NRG3: variants seen among roughly 807,000 people sequenced by gnomAD.
NRG3 encodes the protein neuregulin 3, also known as pro-neuregulin-3, membrane-bound isoform.
A neutral mutation model predicts 66.9 loss-of-function variants in NRG3; 31 were observed. The observed-to-expected ratio is 0.46, with a 90% CI of 0.35 to 0.63. NRG3 has a LOEUF of 0.63. Ranked by LOEUF, NRG3 falls within the 20% of genes least tolerant of loss-of-function variation. The pLI is 0.00. For synonymous variants in NRG3, 393 were observed against 359.4 expected (o/e 1.09, Z -1.06); for missense variants, 910 against 878.9 (o/e 1.04, Z -0.45).
intron 1 of NRG3, among the ~76,000 whole-genome samples, chr10:82,096,420 G>A (rs1235120992): frequency 3.3e-5 from 5 of 152,034 alleles, no homozygotes; most frequent in African/African-American, 1.2e-4. Flanking sequence ...AGGTTGCAGT[G>A]AGCCGAGATT....
chr10:82,156,674 C>T (rs184512874), intron 1 of NRG3, among the ~76,000 whole-genome samples: 2 of 151,738 alleles, frequency 1.3e-5, no homozygotes, highest in East Asian at 3.9e-4. Context: ...CAGATTTTAG[C>T]TCCAATGGTG....
intron 2 of NRG3, among the ~76,000 whole-genome samples, chr10:82,406,752 G>C (rs2087549738): frequency 6.6e-6 from 1 of 152,180 alleles, no homozygotes; most frequent in East Asian, 1.9e-4. Context: ...CATAAAAATT[G>C]TCTAATCCCA....
chr10:81,958,217 G>A (rs532060009), intron 1 of NRG3, among the ~76,000 whole-genome samples: 2 of 152,270 alleles, frequency 1.3e-5, no homozygotes, highest in East Asian at 1.9e-4. Context: ...ATGTGGTATT[G>A]TGAATTCACA....
rs557747694 is a variant in NRG3, at chr10:82,641,591, C to T, written c.954-96986C>T. On this transcript the variant is annotated intron_variant, in intron 2 of 8. Transcript: ENST00000372141. ...AGAAAAGTAGGGCCCATCAAGAGTA[C>T]TCATGATCCAACCTGGAGCCCAGGC... Among the ~76,000 whole-genome samples the T allele has an allele frequency of 3.3e-5, 5 of 152,186 alleles. No homozygotes were observed. The South Asian group carries it at 6.2e-4, about 19-fold the overall frequency.
chr10:82,846,679 AATAC>A (rs1464635655), intron 3 of NRG3, among the ~76,000 whole-genome samples: 4 of 152,214 alleles, frequency 2.6e-5, no homozygotes, highest in Middle Eastern at 3.2e-3. Flanking sequence ...TAATAAAACA[AATAC>A]ATAATTGTAA....
chr10:82,120,448 C>G (rs1272210922), intron 1 of NRG3, among the ~76,000 whole-genome samples: 1 of 152,050 alleles, frequency 6.6e-6, no homozygotes, highest in African/African-American at 2.4e-5. Flanking sequence ...TCAGAGATAG[C>G]TGACTAATGA....
chr10:81,878,968 A>G (rs925281204), intron 1 of NRG3, among the ~76,000 whole-genome samples: 11 of 152,200 alleles, frequency 7.2e-5, no homozygotes, highest in Non-Finnish European at 1.5e-4. Context: ...GATTTTTTCA[A>G]GCAAAAGCTG....
At chr10:82,863,552 T>C (rs754185093) in intron 3 of NRG3, among the ~76,000 whole-genome samples, 1 of 152,192 alleles carries the variant, frequency 6.6e-6, no homozygotes, top group Non-Finnish European at 1.5e-5. Context: ...ATCGCCATCC[T>C]AACTGGCGTG....
At chr10:82,277,066 C>T (rs2078888495) in intron 1 of NRG3, among the ~76,000 whole-genome samples, 1 of 151,888 alleles carries the variant, frequency 6.6e-6, no homozygotes, top group Admixed American at 6.6e-5. Context: ...ACTTCAGATG[C>T]TCCATAGCAG....
chr10:82,315,894 A>G (rs955144543), intron 1 of NRG3, among the ~76,000 whole-genome samples: 1 of 152,106 alleles, frequency 6.6e-6, no homozygotes, highest in African/African-American at 2.4e-5. Context: ...TGAACTTCTG[A>G]CCTTAGCCTC....
At chr10:81,884,447 T>A (rs1056236467) in intron 1 of NRG3, among the ~76,000 whole-genome samples, 1 of 152,226 alleles carries the variant, frequency 6.6e-6, no homozygotes, top group Non-Finnish European at 1.5e-5. Flanking sequence ...TTTGTTGATA[T>A]GTAATTGATA....
intron 2 of NRG3, among the ~76,000 whole-genome samples, chr10:82,632,415 A>G (rs1181252998): frequency 6.6e-6 from 1 of 152,124 alleles, no homozygotes; most frequent in East Asian, 1.9e-4. Context: ...CTTTACCTGG[A>G]GTGCTTCTTT....
chr10:82,621,167 G>A lies in NRG3; in HGVS notation c.954-117410G>A, dbSNP rs184060825. Among the ~76,000 whole-genome samples, 661 of 152,064 alleles carry A rather than the reference G, an allele frequency of 4.3e-3. 7 individuals are homozygous for A. The highest frequency in any genetic ancestry group is 0.015 in the African/African-American group (638 of 41,410). On this transcript the variant is annotated intron_variant, in intron 2 of 8. Transcript: ENST00000372141. Reference sequence around the variant, plus strand: ...AAGAGTTGGAGTCTTGAAGGTTTGCGGAACTTGAAGTATTGTCTTTTCAAG... The same window carrying A: ...AAGAGTTGGAGTCTTGAAGGTTTGCAGAACTTGAAGTATTGTCTTTTCAAG...
intron 3 of NRG3, among the ~76,000 whole-genome samples, chr10:82,786,116 C>CTCCT (rs1198356387): frequency 1.3e-5 from 2 of 152,150 alleles, no homozygotes; most frequent in Non-Finnish European, 2.9e-5. Context: ...ACTACATAAA[C>CTCCT]TCCTTACTCT....
chr10:82,560,072 C>A (rs1319311974), intron 2 of NRG3, among the ~76,000 whole-genome samples: 1 of 151,454 alleles, frequency 6.6e-6, no homozygotes, highest in East Asian at 1.9e-4. Flanking sequence ...TTAAGTTTAT[C>A]TTCAAGTATT....
intron 2 of NRG3, among the ~76,000 whole-genome samples, chr10:82,635,548 C>T (rs1221842824): frequency 4.6e-5 from 7 of 152,046 alleles, no homozygotes; most frequent in Admixed American, 3.3e-4. Context: ...GAAAACGCCC[C>T]TTCTTATCTG....
rs548792266 is a variant in NRG3, at chr10:82,033,033, G to T, written c.823+156870G>T. On this transcript the variant is annotated intron_variant, in intron 1 of 8. Transcript: ENST00000372141. ...AACTCATTAATGTAGGAACCAATAAGATGTTGTAAGTTCAAAGGAGAATTC... is the reference window on the plus strand; with the variant it reads ...AACTCATTAATGTAGGAACCAATAATATGTTGTAAGTTCAAAGGAGAATTC... Among the ~76,000 whole-genome samples the T allele has an allele frequency of 1.1e-3, 161 of 152,198 alleles. 2 individuals carry two copies. In the South Asian group the frequency reaches 0.017, roughly 16 times the overall value.
Position 82,358,837 on chromosome 10 carries a change from G to A in NRG3, c.922G>A (p.Glu308Lys), listed in dbSNP as rs1023059995. ...CLNDGECFVI[E>K]TLTGSHKHCR... ...CAATGATGGCGAGTGCTTTGTGATCGAAACCCTGACCGGATCCCATAAACA... is the reference window on the plus strand; with the variant it reads ...CAATGATGGCGAGTGCTTTGTGATCAAAACCCTGACCGGATCCCATAAACA... The change falls in exon 2 of 9, where the codon GAA becomes AAA. Residue 308 changes from glutamate (E) to lysine (K), a missense_variant. Physicochemically the swap from Glu to Lys is moderately conservative, Grantham distance 56. Transcript: ENST00000372141. The A allele has an allele frequency of 3.7e-6, 6 of 1,614,014 alleles. No individual in the cohort carries two copies. Among genetic ancestry groups the A allele is most frequent in the South Asian group, 1.1e-5 (1 of 91,080 alleles).
chr10:82,893,725 C>A (rs1025163694), intron 4 of NRG3, among the ~76,000 whole-genome samples: 14 of 151,978 alleles, frequency 9.2e-5, no homozygotes, highest in African/African-American at 3.4e-4. Flanking sequence ...ACAAATACTT[C>A]ATATTGAAAT....
Sources: gnomAD v4.1 joint callset for allele counts (sites outside exome capture counted in the v4.1 genomes callset) on GRCh38, gnomAD v4.1.1 for gene constraint, MANE v1.5 for transcripts, NCBI Gene and HGNC (gene_info 2026-07-23, HGNC 2026-07-21) for gene names.